The following MUC17 variants were observed in gnomAD, a reference collection of about 807,000 sequenced individuals.
The protein encoded by MUC17 is mucin-17.
In MUC17, 190 loss-of-function variants were observed where a neutral mutation model predicts 170.3. That is an observed-to-expected ratio of 1.12 (90% CI 0.99 to 1.26). The LOEUF (loss-of-function observed/expected upper bound fraction) is 1.26, where lower values mean the gene tolerates loss of function less well. Ranked by LOEUF, MUC17 falls within the 50% of genes most tolerant of loss-of-function variation. The probability of loss-of-function intolerance (pLI) is 0.00; values close to 1 mark genes in which losing one functional copy is unlikely to be tolerated. For missense variants in MUC17, 6,415 were observed against 5,530.0 expected (o/e 1.16, Z -5.08); for synonymous variants, 2,325 against 2,002.5 (o/e 1.16, Z -4.30).
At position 101,037,685 on chromosome 7, in the gene MUC17, G is replaced by A; in HGVS notation, c.6269G>A (p.Ser2090Asn). The A allele has an allele frequency of 6.2e-7, 1 of 1,612,554 alleles. No individual in the cohort carries two copies. The highest frequency in any genetic ancestry group is 8.5e-7 in the Non-Finnish European group (1 of 1,179,614). ...EASSSATAEG[S>N]SMTISAPSEG... ...AGTTCATCTGCAACCGCTGAAGGTA[G>A]CAGCATGACAATCTCAGCTCCTAGT... The change falls in exon 3 of 13, where the codon AGC (serine) becomes AAC (asparagine). Residue 2090 changes from serine to asparagine, a missense_variant. Coordinates refer to ENST00000306151, the MANE Select transcript of MUC17 (RefSeq NM_001040105.2).
chr7:101,056,125 T>G, intron 11 of MUC17, 69 bp from the exon 12 acceptor site: 1 of 1,606,098 alleles, frequency 6.2e-7, no homozygotes, highest in Non-Finnish European at 8.5e-7. Flanking sequence ...TCAGATGGGA[T>G]TAAAGGGAGA....
chr7:101,057,197 T>G (rs771334826), intron 12 of MUC17, among the ~76,000 whole-genome samples: 1 of 152,212 alleles, frequency 6.6e-6, no homozygotes, highest in Non-Finnish European at 1.5e-5. Context: ...CCCCTCATGA[T>G]TAAGGCCGAG....
chr7:101,031,798 C>T lies in MUC17; in HGVS notation c.382C>T (p.Leu128Phe), dbSNP rs1409607798. Residue 128 changes from leucine to phenylalanine, a missense_variant, in exon 3 of 13, where the codon CTT (leucine) becomes TTT (phenylalanine). Transcript: ENST00000306151. ...TSESTSDSTTLFPSSTEDTSS... is the reference protein window; with the variant it reads ...TSESTSDSTTFFPSSTEDTSS... ...AGAATCTACCAGTGACAGCACCACA[C>T]TTTTCCCCAGTTCTACTGAAGACAC... 11 of 1,610,478 alleles carry T rather than the reference C, an allele frequency of 6.8e-6. No homozygotes were observed. Among genetic ancestry groups the T allele is most frequent in the South Asian group, 1.1e-5 (1 of 90,996 alleles).
At position 101,035,815 on chromosome 7, in the gene MUC17, G is replaced by A; in HGVS notation, c.4399G>A (p.Val1467Met). The change falls in exon 3 of 13, where the codon GTG becomes ATG. Residue 1467 changes from valine (V) to methionine (M), a missense_variant. Coordinates refer to ENST00000306151, the MANE Select transcript of MUC17 (RefSeq NM_001040105.2). The stretch of plus-strand genomic sequence containing the variant: ...AAGTATACCTGTCAGCAACACGCCG[G>A]TGGCCAATTCTGAGGCTAGCACCCT... ...LKSIPVSNTP[V>M]ANSEASTLST... 1 of 1,603,246 alleles carries A rather than the reference G, an allele frequency of 6.2e-7. No individual in the cohort carries two copies. Among genetic ancestry groups the A allele is most frequent in the Non-Finnish European group, 8.5e-7 (1 of 1,174,168 alleles).
chr7:101,031,035 G>A, intron 1 of MUC17, 85 bp from the exon 2 acceptor site: 1 of 1,463,030 alleles, frequency 6.8e-7, no homozygotes, highest in Non-Finnish European at 9.1e-7. Context: ...GGACTTTCCA[G>A]GGCAGGGAGT....
Position 101,050,712 on chromosome 7 carries a change from C to T in MUC17, c.12874+77C>T, listed in dbSNP as rs189773815. On this transcript the variant is annotated intron_variant, in intron 7 of 12. Coordinates refer to ENST00000306151, the MANE Select transcript of MUC17 (RefSeq NM_001040105.2). ...ATGACTTTCTTAATAGACAGGAGGG[C>T]GGGAGTGAGGATGGTTAATGGGTGG... 2,454 of 1,531,422 alleles carry T rather than the reference C, an allele frequency of 1.6e-3. 25 individuals carry two copies. The highest frequency in any genetic ancestry group is 5.9e-4 in the Non-Finnish European group (677 of 1,141,706). 94.9% of individuals were successfully genotyped at this position (1,531,422 alleles called of 1,614,324 possible). A position where few individuals can be genotyped will look rare whatever the true frequency, so the allele number is the denominator to read the frequency against.
chr7:101,042,118 A>T lies in MUC17; in HGVS notation c.10702A>T (p.Met3568Leu). 1 of 1,614,194 alleles carries T rather than the reference A, an allele frequency of 6.2e-7. No homozygotes were observed. Among genetic ancestry groups the T allele is most frequent in the Non-Finnish European group, 8.5e-7 (1 of 1,180,030 alleles). Residue 3568 changes from methionine to leucine, a missense_variant, in exon 3 of 13, where the codon ATG becomes TTG. Coordinates refer to ENST00000306151, the MANE Select transcript of MUC17 (RefSeq NM_001040105.2). Reference sequence around the variant, plus strand: ...AACTCTTCAGGTCACCACTATGCGTATGTCTACTCCAAGTGAAGGAAGCTC... The same window carrying T: ...AACTCTTCAGGTCACCACTATGCGTTTGTCTACTCCAAGTGAAGGAAGCTC... Reference protein sequence around the residue: ...PATLQVTTMRMSTPSEGSSSL... With the variant: ...PATLQVTTMRLSTPSEGSSSL...
rs1794520481 is a variant in MUC17 at position 101,037,367 on chromosome 7, G to A, written c.5951G>A (p.Ser1984Asn). The change falls in exon 3 of 13, where the codon AGC becomes AAC. Residue 1984 changes from serine (S) to asparagine (N), a missense_variant. By Grantham distance (46) the Ser-to-Asn change is conservative. Transcript: ENST00000306151. ...SMPTPAYSEGSTPLTSMPLST... is the reference protein window; with the variant it reads ...SMPTPAYSEGNTPLTSMPLST... ...CCAACCCCAGCTTATAGTGAAGGAA[G>A]CACTCCACTAACAAGTATGCCTCTC... 2 of 1,613,872 alleles carry A rather than the reference G, an allele frequency of 1.2e-6. No homozygotes were observed. The highest frequency in any genetic ancestry group is 1.7e-6 in the Non-Finnish European group (2 of 1,179,940).
Position 101,031,157 on chromosome 7 carries a change from G to T in MUC17, c.120G>T (p.Gly40=), listed in dbSNP as rs1392248180. 6.2e-7 allele frequency: 1 copy of T among 1,613,860 alleles called. No individual in the cohort carries two copies. Among genetic ancestry groups the T allele is most frequent in the Admixed American group, 1.7e-5 (1 of 59,976 alleles). The part of the protein sequence containing the change: ...SVNRAVWDGG[G]CISQGDVLNR... ...ACAGGGCTGTGTGGGATGGAGGAGG[G>T]TGCATCTCCCAAGGGGACGTCTTGA... is the stretch of plus-strand genomic sequence containing the variant. Residue 40 remains glycine, a synonymous_variant, in exon 2 of 13, where the codon GGG becomes GGT. Transcript: ENST00000306151.
At position 101,040,884 on chromosome 7, in the gene MUC17, C is replaced by T. The variant is rs776450755; in HGVS notation, c.9468C>T (p.Thr3156=). Residue 3156 remains threonine, a synonymous_variant, in exon 3 of 13, where the codon ACC becomes ACT. Coordinates refer to ENST00000306151, the MANE Select transcript of MUC17 (RefSeq NM_001040105.2). ...PTTSEGTSMP[T]STPSEGSTPL... ...CTTCTGAAGGTACCAGCATGCCAAC[C>T]TCAACTCCTAGTGAAGGAAGTACTC... 11 of 1,613,600 alleles carry T rather than the reference C, an allele frequency of 6.8e-6. No individual in the cohort carries two copies. Among genetic ancestry groups the T allele is most frequent in the Middle Eastern group, 1.6e-4 (1 of 6,062 alleles).
Position 101,040,111 on chromosome 7 carries a change from C to A in MUC17, c.8695C>A (p.Pro2899Thr). The change falls in exon 3 of 13, where the codon CCT becomes ACT. Residue 2899 changes from proline to threonine, a missense_variant. Transcript: ENST00000306151. ...AACAACTCCTGTTGATACCAGCATACCTGTCACCACTTCTACTGAAGGCAG... is the reference window on the plus strand; with the variant it reads ...AACAACTCCTGTTGATACCAGCATAACTGTCACCACTTCTACTGAAGGCAG... ...LSTTPVDTSI[P>T]VTTSTEGSSS... 1.9e-6 allele frequency: 3 copies of A among 1,612,576 alleles called. No homozygotes were observed. The highest frequency in any genetic ancestry group is 2.5e-6 in the Non-Finnish European group (3 of 1,179,428).
rs201187786 is a variant in MUC17, at chr7:101,040,622, C to T, written c.9206C>T (p.Thr3069Ile). 6.2e-6 allele frequency: 10 copies of T among 1,612,180 alleles called. No homozygotes were observed. Among genetic ancestry groups the T allele is most frequent in the Non-Finnish European group, 8.5e-6 (10 of 1,179,054 alleles). ...AIPEASTLST[T>I]PVDSNSPVVT... ...CCTGAGGCTAGCACCCTTTCAACAACTCCTGTTGACTCCAACAGTCCTGTG... is the reference window on the plus strand; with the variant it reads ...CCTGAGGCTAGCACCCTTTCAACAATTCCTGTTGACTCCAACAGTCCTGTG... The change falls in exon 3 of 13, where the codon ACT becomes ATT. Residue 3069 changes from threonine to isoleucine, a missense_variant. Coordinates refer to ENST00000306151, the MANE Select transcript of MUC17 (RefSeq NM_001040105.2).
At position 101,042,570 on chromosome 7, in the gene MUC17, T is replaced by C. The variant is rs747028711; in HGVS notation, c.11154T>C (p.Ser3718=). ...AGGGTAGCACCCTTTCAACACCTTC[T>C]GTTGTCACCAGCACACCTGTGACCA... ...SSEGSTLSTP[S]VVTSTPVTTS... Residue 3718 remains serine (S), a synonymous_variant, in exon 3 of 13, where the codon TCT becomes TCC. Transcript: ENST00000306151. 6.2e-7 allele frequency: 1 copy of C among 1,614,180 alleles called. No individual in the cohort carries two copies. Among genetic ancestry groups the C allele is most frequent in the Non-Finnish European group, 8.5e-7 (1 of 1,180,038 alleles).
intron 1 of MUC17, among the ~76,000 whole-genome samples, chr7:101,025,484 G>GA (rs1478767852): frequency 6.6e-6 from 1 of 151,846 alleles, no homozygotes; most frequent in Admixed American, 6.6e-5. Flanking sequence ...CTAACATGGT[G>GA]AAAATCTGTC....
rs1335788962 is a variant in MUC17 at position 101,043,166 on chromosome 7, CA to C, written c.11752del (p.Ile3918PhefsTer3). 1.6e-5 allele frequency: 26 copies of C among 1,614,202 alleles called. No individual in the cohort carries two copies. In the Middle Eastern group the frequency reaches 9.9e-4, roughly 61 times the overall value. On this transcript the variant is annotated frameshift_variant, in exon 3 of 13. Coordinates refer to ENST00000306151, the MANE Select transcript of MUC17 (RefSeq NM_001040105.2). LOFTEE classifies it high-confidence loss of function. ...TCTACTGACACTGCCTCAACTCCCACAATTCCTGTAGCCACCACCATATCTG... is the reference window on the plus strand; with the variant it reads ...TCTACTGACACTGCCTCAACTCCCACATTCCTGTAGCCACCACCATATCTG... ...TPSTDTASTP[T>X]IPVATTISVS... is the part of the protein sequence containing the mutation.
At chr7:101,055,150 T>C (rs1400764754) in intron 11 of MUC17, among the ~76,000 whole-genome samples, 5 of 151,438 alleles carry the variant, frequency 3.3e-5, no homozygotes, top group Admixed American at 6.6e-5. Context: ...GAAGAGGAGA[T>C]AGGACACATA....
At chr7:101,020,247 G>C (rs1277620727) in intron 1 of MUC17, 30 bp downstream of exon 1, 1 of 1,579,426 alleles carries the variant, frequency 6.3e-7, no homozygotes, top group Admixed American at 1.8e-5. Context: ...CGCTGCCCAA[G>C]AGGCCCCCAT....
chr7:101,040,680 A>C lies in MUC17; in HGVS notation c.9264A>C (p.Thr3088=), dbSNP rs2116449719. The C allele has an allele frequency of 1.2e-6, 2 of 1,612,818 alleles. No homozygotes were observed. Among genetic ancestry groups the C allele is most frequent in the Non-Finnish European group, 1.7e-6 (2 of 1,179,650 alleles). ...CTACTGAAGTCAGTTCATCTCCTACACCTGCTGAAGGTACCAGCATGCCAA... is the reference window on the plus strand; with the variant it reads ...CTACTGAAGTCAGTTCATCTCCTACCCCTGCTGAAGGTACCAGCATGCCAA... ...VTSTEVSSSP[T]PAEGTSMPIS... is the part of the protein sequence containing the mutation. The change falls in exon 3 of 13, where the codon ACA becomes ACC. Residue 3088 remains threonine, a synonymous_variant. Transcript: ENST00000306151.
chr7:101,022,577 C>A (rs1043646032), intron 1 of MUC17, among the ~76,000 whole-genome samples: 2 of 152,160 alleles, frequency 1.3e-5, no homozygotes. Flanking sequence ...ATAATCCAGG[C>A]ATATTGGGAG....
Sources: gnomAD v4.1 joint callset for allele counts (sites outside exome capture counted in the v4.1 genomes callset) on GRCh38, gnomAD v4.1.1 for gene constraint, MANE v1.5 for transcripts, NCBI Gene and HGNC (gene_info 2026-07-23, HGNC 2026-07-21) for gene names.